EXOC3: variants seen among roughly 807,000 people sequenced by gnomAD.
The protein encoded by EXOC3 is exocyst complex component 3.
EXOC3 carries 21 observed loss-of-function variants against 73.7 expected under a neutral mutation model. That is an observed-to-expected ratio of 0.29 (90% CI 0.20 to 0.41). The LOEUF is 0.41. Ranked by LOEUF, EXOC3 falls within the 10% of genes least tolerant of loss-of-function variation. The probability of loss-of-function intolerance (pLI) is 1.00; values close to 1 mark genes in which losing one functional copy is unlikely to be tolerated. For synonymous variants in EXOC3, 410 were observed against 389.1 expected, an observed-to-expected ratio of 1.05 and a Z score of -0.63; for missense variants, 842 against 985.1, an observed-to-expected ratio of 0.85 and a Z score of 1.95.
In EXOC3 at chr5:466,977, C is replaced by A; in HGVS notation, c.*79C>A. 7.2e-7 allele frequency: 1 copy of A among 1,381,916 alleles called. No homozygotes were observed. The highest frequency in any genetic ancestry group is 9.9e-7 in the Non-Finnish European group (1 of 1,011,106). The allele number at this position is 1,381,916 out of a possible 1,614,324, so 85.6% of individuals were successfully genotyped here. ...AAACGCGGGACAGCTGATTGCTCTC[C>A]TTGGCCACACGTGCTCCTTTTAGCT... is the stretch of plus-strand genomic sequence containing the variant. On this transcript the variant is annotated 3_prime_UTR_variant, in exon 13 of 13. Coordinates refer to ENST00000512944, the MANE Select transcript of EXOC3 (RefSeq NM_007277.5).
intron 4 of EXOC3, among the ~76,000 whole-genome samples, chr5:455,305 G>A (rs1737778050): frequency 6.6e-6 from 1 of 152,224 alleles, no homozygotes; most frequent in African/African-American, 2.4e-5. Flanking sequence ...TGCACAGTTT[G>A]TGTCTTGATT....
chr5:453,104 C>T (rs1579736524), intron 3 of EXOC3, among the ~76,000 whole-genome samples: 1 of 152,338 alleles, frequency 6.6e-6, no homozygotes, highest in East Asian at 1.9e-4. Flanking sequence ...ACATGCACAG[C>T]TGCCTGCGGG....
rs567671614 is a variant in EXOC3 at position 446,148 on chromosome 5, A to C, written c.-56-2A>C. On this transcript the variant is annotated splice_acceptor_variant, in intron 1 of 12. Transcript: ENST00000512944. LOFTEE classifies it low-confidence loss of function (5UTR_SPLICE). Reference sequence around the variant, plus strand: ...TTTCTACCGTCCTAACAACTCCTGCAGTGCACAGAGAACACCCCTAGCATG... The same window carrying C: ...TTTCTACCGTCCTAACAACTCCTGCCGTGCACAGAGAACACCCCTAGCATG... 10 of 1,603,406 alleles carry C rather than the reference A, an allele frequency of 6.2e-6. No homozygotes were observed. The South Asian group carries it at 9.9e-5, about 16-fold the overall frequency.
chr5:464,679 C>T (rs1738085136), intron 10 of EXOC3: 2 of 434,544 alleles, frequency 4.6e-6, no homozygotes, highest in Middle Eastern at 6.7e-4. Context: ...AGCTCCTTGC[C>T]TTCCACTCAC....
chr5:460,333 A>G (rs1203902465), intron 7 of EXOC3, among the ~76,000 whole-genome samples: 2 of 152,056 alleles, frequency 1.3e-5, no homozygotes, highest in Admixed American at 6.6e-5. Flanking sequence ...TCCTCAGTCT[A>G]CTGTCAGCTC....
At chr5:455,377 C>T (rs1045447954) in intron 4 of EXOC3, among the ~76,000 whole-genome samples, 8 of 152,212 alleles carry the variant, frequency 5.3e-5, no homozygotes, top group East Asian at 1.9e-4. Flanking sequence ...TCCATCACCC[C>T]GGCCTTTCTC....
rs904818551 is a variant in EXOC3, at chr5:464,875, G to A, written c.1777-236G>A. On this transcript the variant is annotated intron_variant, in intron 10 of 12. Coordinates refer to ENST00000512944, the MANE Select transcript of EXOC3 (RefSeq NM_007277.5). ...TCATGCGCGGCACTGCCTCGCCCGC[G>A]TCTGTCCTGCTGGGGGCCGGAGCTG... is the stretch of plus-strand genomic sequence containing the variant. 5.2e-6 allele frequency: 3 copies of A among 572,704 alleles called. No individual in the cohort carries two copies. The African/African-American group carries it at 5.7e-5, about 11-fold the overall frequency. The allele number at this position is 572,704 out of a possible 1,614,324, so 35.5% of individuals were successfully genotyped here. A position where few individuals can be genotyped will look rare whatever the true frequency, so the allele number is the denominator to read the frequency against.
intron 5 of EXOC3, chr5:457,698 C>A (rs1221032567): frequency 5.5e-6 from 3 of 548,952 alleles, no homozygotes; most frequent in South Asian, 2.2e-5. Flanking sequence ...TCCAGTTAAA[C>A]CCCTGCGGGC....
intron 11 of EXOC3, 126 bp downstream of exon 11, chr5:465,398 GT>G (rs1738114352): frequency 9.1e-7 from 1 of 1,097,748 alleles, no homozygotes; most frequent in Non-Finnish European, 1.3e-6. Context: ...GGGAGCCTGG[GT>G]CCAGGTCCTG....
At position 461,950 on chromosome 5, in the gene EXOC3, C is replaced by T. The variant is rs1560939999; in HGVS notation, c.1392-10C>T. 9 of 1,570,594 alleles carry T rather than the reference C, an allele frequency of 5.7e-6. No homozygotes were observed. The East Asian group carries it at 2.1e-4, about 37-fold the overall frequency. Reference sequence around the variant, plus strand: ...TTAGTGCTGTCTGACCGAAGCCTGTCTGTCCTCAGATATAAAGATGAAGCG... The same window carrying T: ...TTAGTGCTGTCTGACCGAAGCCTGTTTGTCCTCAGATATAAAGATGAAGCG... On this transcript the variant is annotated splice_polypyrimidine_tract_variant and intron_variant, in intron 7 of 12. Coordinates refer to ENST00000512944, the MANE Select transcript of EXOC3 (RefSeq NM_007277.5).
At chr5:448,710 A>G (rs1737572760) in intron 3 of EXOC3, among the ~76,000 whole-genome samples, 1 of 152,192 alleles carries the variant, frequency 6.6e-6, no homozygotes, top group Non-Finnish European at 1.5e-5. Context: ...AGCTGCCCAC[A>G]GCGCACCTTG....
chr5:465,505 C>G (rs1237496985), intron 11 of EXOC3, among the ~76,000 whole-genome samples: 1 of 152,254 alleles, frequency 6.6e-6, no homozygotes, highest in African/African-American at 2.4e-5. Flanking sequence ...CGGACGCTTC[C>G]CAGTCTGTCC....
chr5:447,398 T>C (rs1189478308), intron 2 of EXOC3, 135 bp from the exon 3 acceptor site: 1 of 603,556 alleles, frequency 1.7e-6, no homozygotes, highest in East Asian at 2.9e-5. Context: ...TTTTATTTTC[T>C]TTTCTGGGTA....
At chr5:448,883 C>T (rs1023273019) in intron 3 of EXOC3, among the ~76,000 whole-genome samples, 1 of 152,202 alleles carries the variant, frequency 6.6e-6, no homozygotes, top group Non-Finnish European at 1.5e-5. Context: ...TTGTGCATGC[C>T]CAACACGAAC....
intron 3 of EXOC3, among the ~76,000 whole-genome samples, chr5:448,238 C>G (rs554989890): frequency 2.0e-5 from 3 of 152,186 alleles, no homozygotes; most frequent in Admixed American, 2.0e-4. Flanking sequence ...CGGGGCTGAG[C>G]GCCGTGGGGG....
At chr5:461,632 A>G (rs1432054744) in intron 7 of EXOC3, 2 of 252,000 alleles carry the variant, frequency 7.9e-6, no homozygotes, top group African/African-American at 2.3e-5. Context: ...AAAAGAGACA[A>G]GGTCTGATTA....
intron 10 of EXOC3, chr5:464,682 C>G (rs1324029792): frequency 2.3e-6 from 1 of 432,060 alleles, no homozygotes; most frequent in Non-Finnish European, 4.3e-6. Context: ...TCCTTGCCTT[C>G]CACTCACTCC....
At chr5:455,965 C>T (rs1422230721) in intron 4 of EXOC3, among the ~76,000 whole-genome samples, 1 of 152,254 alleles carries the variant, frequency 6.6e-6, no homozygotes, top group Non-Finnish European at 1.5e-5. Flanking sequence ...GTCTTCTGGA[C>T]AGTAGACCTC....
In EXOC3 at chr5:447,632, G is replaced by A. The variant is rs1737544214; in HGVS notation, c.244G>A (p.Val82Ile). 7 of 1,584,188 alleles carry A rather than the reference G, an allele frequency of 4.4e-6. No homozygotes were observed. The South Asian group carries it at 4.6e-5, about 10-fold the overall frequency. ...VKDIQQSLADVSKDWRQSINT... is the reference protein window; with the variant it reads ...VKDIQQSLADISKDWRQSINT... ...AGACATCCAGCAGTCGCTGGCAGAC[G>A]TCAGCAAGGACTGGAGGCAGAGCAT... The change falls in exon 3 of 13, where the codon GTC (valine) becomes ATC (isoleucine). Residue 82 changes from valine (V) to isoleucine (I), a missense_variant. Val to Ile is a conservative substitution (Grantham distance 29). Coordinates refer to ENST00000512944, the MANE Select transcript of EXOC3 (RefSeq NM_007277.5).
Sources: gnomAD v4.1 joint callset for allele counts (sites outside exome capture counted in the v4.1 genomes callset) on GRCh38, gnomAD v4.1.1 for gene constraint, MANE v1.5 for transcripts, NCBI Gene and HGNC (gene_info 2026-07-23, HGNC 2026-07-21) for gene names.